Variants in HERC1 observed in about 807,000 individuals in gnomAD.
HERC1 encodes HECT and RLD domain containing E3 ubiquitin protein ligase family member 1, also known as probable E3 ubiquitin-protein ligase HERC1.
In HERC1, 160 loss-of-function variants were observed where a neutral mutation model predicts 554.3. The observed-to-expected ratio is 0.29, with a 90% confidence interval of 0.25 to 0.33. The LOEUF (loss-of-function observed/expected upper bound fraction) is 0.33. HERC1 is among the 10% of genes least tolerant of loss of function. The pLI, the probability that HERC1 is intolerant of heterozygous loss-of-function variation, is 1.00. For synonymous variants in HERC1, 2,175 were observed against 2,131.7 expected, an observed-to-expected ratio of 1.02 and a Z score of -0.56; for missense variants, 4,919 against 5,918.5, an observed-to-expected ratio of 0.83 and a Z score of 5.54.
intron 71 of HERC1, among the ~76,000 whole-genome samples, chr15:63,625,617 C>T (rs1057172750): frequency 6.6e-5 from 10 of 151,288 alleles, no homozygotes; most frequent in Non-Finnish European, 1.0e-4. Flanking sequence ...TTGCTTGAAC[C>T]CAAGAGGCAG....
chr15:63,816,637 T>C (rs575174654), intron 1 of HERC1, among the ~76,000 whole-genome samples: 1 of 152,348 alleles, frequency 6.6e-6, no homozygotes, highest in East Asian at 1.9e-4. Flanking sequence ...AAATAAAGTG[T>C]ATTTATTCAA....
chr15:63,693,238 TTTC>T (rs2072220149), intron 30 of HERC1, among the ~76,000 whole-genome samples: 1 of 91,314 alleles, frequency 1.1e-5, no homozygotes, highest in Non-Finnish European at 2.4e-5. Flanking sequence ...GCTGGGGAAT[TTTC>T]TTTTTCTTTT....
chr15:63,761,059 A>C (rs1254424339), intron 3 of HERC1, among the ~76,000 whole-genome samples: 1 of 152,230 alleles, frequency 6.6e-6, no homozygotes, highest in Non-Finnish European at 1.5e-5. Context: ...ATGTGAACTA[A>C]AGAAAAGATG....
In HERC1 at chr15:63,718,932, G is replaced by A. The variant is rs1381133112; in HGVS notation, c.3743-35C>T. The A allele has an allele frequency of 1.3e-5, 19 of 1,458,076 alleles. No homozygotes were observed. Among genetic ancestry groups the A allele is most frequent in the Non-Finnish European group, 1.7e-5 (18 of 1,052,468 alleles). 90.3% of individuals were successfully genotyped at this position (1,458,076 alleles called of 1,614,324 possible). A position where few individuals can be genotyped will look rare whatever the true frequency, so the allele number is the denominator to read the frequency against. The stretch of plus-strand genomic sequence containing the variant: ...AAAATGATGCATTGACATTTAAAAG[G>A]GCTCAGAAAACAGTTCAGAGGTAAT... On this transcript the variant is annotated intron_variant, in intron 19 of 77. Transcript: ENST00000443617. This position sits in a 1 kb window ranked among gnomAD's most constrained non-coding sequence, Gnocchi z 4.2.
intron 1 of HERC1, among the ~76,000 whole-genome samples, chr15:63,830,913 T>C (rs948322225): frequency 2.6e-5 from 4 of 152,240 alleles, no homozygotes; most frequent in African/African-American, 9.6e-5. Flanking sequence ...AACTACTTTA[T>C]GCTCTTTTTC....
At chr15:63,771,455 C>T (rs1163931741) in intron 2 of HERC1, among the ~76,000 whole-genome samples, 1 of 145,614 alleles carries the variant, frequency 6.9e-6, no homozygotes, top group Non-Finnish European at 1.5e-5. Context: ...TTTTTTGAGA[C>T]AGTCTTGGTC....
At chr15:63,672,843 AT>A (rs777753664) in intron 38 of HERC1, 149 bp from the exon 39 acceptor site, 29 of 623,334 alleles carry the variant, frequency 4.7e-5, no homozygotes, top group East Asian at 1.9e-4. Context: ...ACAGAAAAAA[AT>A]ATTCTTACTT....
chr15:63,618,067 T>A (rs930175944), intron 74 of HERC1, among the ~76,000 whole-genome samples: 5 of 152,152 alleles, frequency 3.3e-5, no homozygotes, highest in Admixed American at 1.3e-4. Flanking sequence ...GTTTTAGACA[T>A]GAAGTCCTTG....
chr15:63,682,965 A>G (rs940903167), intron 34 of HERC1, among the ~76,000 whole-genome samples: 17 of 151,890 alleles, frequency 1.1e-4, no homozygotes, highest in African/African-American at 3.4e-4. Flanking sequence ...GTGAAACCTT[A>G]TATCTACTAA....
intron 8 of HERC1, among the ~76,000 whole-genome samples, chr15:63,750,261 T>C (rs2075190336): frequency 6.6e-6 from 1 of 152,226 alleles, no homozygotes; most frequent in South Asian, 2.1e-4. Flanking sequence ...CACCTCATTA[T>C]TGCAATAATT....
chr15:63,711,954 C>T (rs2073319091), intron 24 of HERC1, among the ~76,000 whole-genome samples: 1 of 152,192 alleles, frequency 6.6e-6, no homozygotes, highest in African/African-American at 2.4e-5. Context: ...CAAAGTTCCT[C>T]AAGTAGAAGC....
intron 71 of HERC1, among the ~76,000 whole-genome samples, chr15:63,624,631 G>C (rs988423056): frequency 6.6e-6 from 1 of 152,184 alleles, no homozygotes; most frequent in African/African-American, 2.4e-5. Flanking sequence ...AGGAGGTTGA[G>C]GCTGCAGTGA....
chr15:63,815,714 T>TC (rs762021125), intron 1 of HERC1, among the ~76,000 whole-genome samples: 3 of 152,180 alleles, frequency 2.0e-5, no homozygotes, highest in Non-Finnish European at 4.4e-5. Flanking sequence ...TCTGTTCAAA[T>TC]CCTCTAACCT....
intron 1 of HERC1, among the ~76,000 whole-genome samples, chr15:63,812,118 C>A (rs377241829): frequency 6.6e-6 from 1 of 152,166 alleles, no homozygotes; most frequent in Non-Finnish European, 1.5e-5. Flanking sequence ...AACATAGACA[C>A]TAAGTTGCCT....
At chr15:63,726,514 T>C (rs1055677944) in intron 17 of HERC1, among the ~76,000 whole-genome samples, 2 of 152,112 alleles carry the variant, frequency 1.3e-5, no homozygotes, top group African/African-American at 2.4e-5. Context: ...AAACAGGATA[T>C]AACCATAGAT....
chr15:63,618,793 CTCTG>C (rs750491467), intron 74 of HERC1, among the ~76,000 whole-genome samples: 34 of 152,066 alleles, frequency 2.2e-4, no homozygotes, highest in Non-Finnish European at 3.5e-4. Flanking sequence ...TGATTTGGCT[CTCTG>C]TCTGTTATTG....
chr15:63,736,406 T>G (rs1454973828), intron 12 of HERC1, among the ~76,000 whole-genome samples: 1 of 152,216 alleles, frequency 6.6e-6, no homozygotes, highest in Non-Finnish European at 1.5e-5. Flanking sequence ...GTCACTCAGG[T>G]TTATACCTTC....
rs559727595 is a variant in HERC1 at position 63,678,249 on chromosome 15, G to A, written c.6666C>T (p.Ile2222=). The A allele has an allele frequency of 1.2e-6, 2 of 1,613,658 alleles. No individual in the cohort carries two copies. Among genetic ancestry groups the A allele is most frequent in the African/African-American group, 1.3e-5 (1 of 74,934 alleles). The change falls in exon 37 of 78, where the codon ATC becomes ATT. Residue 2222 remains isoleucine (I), a synonymous_variant. Coordinates refer to ENST00000443617, the MANE Select transcript of HERC1 (RefSeq NM_003922.4). ...LAEATIQLIR[I]LHRTDRWTYC... ...AAGTCCAACGGTCTGTTCGGTGAAG[G>A]ATACGGATGAGCTGAATAGTGGCCT...
At position 63,643,550 on chromosome 15, in the gene HERC1, C is replaced by A; in HGVS notation, c.11185G>T (p.Asp3729Tyr). 1 of 1,566,824 alleles carries A rather than the reference C, an allele frequency of 6.4e-7. No homozygotes were observed. Among genetic ancestry groups the A allele is most frequent in the Non-Finnish European group, 8.7e-7 (1 of 1,155,474 alleles). Residue 3729 changes from aspartate (D) to tyrosine (Y), a missense_variant and splice_region_variant, in exon 58 of 78, where the codon GAT becomes TAT. Asp to Tyr is a radical substitution (Grantham distance 160, BLOSUM62 -3). Around this residue, in one of 11 missense-constraint regions of HERC1, gnomAD observed 1,963 missense variants for 2,228.6 expected, o/e 0.88. Transcript: ENST00000443617. ...GWWEQESNCQ[D>Y]GYRKSSGAKC... ...GCTCCTGATGATTTCCTATATCCAT[C>A]CTGAAATTCATTATTTTTAACATGC... is the stretch of plus-strand genomic sequence containing the variant.
Sources: allele counts gnomAD v4.1 joint callset (sites outside exome capture counted in the v4.1 genomes callset), GRCh38; gene constraint gnomAD v4.1.1; regional missense constraint gnomAD v4.1.1; non-coding constraint Gnocchi (gnomAD v3.1); transcripts MANE v1.5; gene names NCBI Gene and HGNC (gene_info 2026-07-23, HGNC 2026-07-21).